HK1: variants seen among roughly 807,000 people sequenced by gnomAD.
HK1 encodes the protein hexokinase 1.
A neutral mutation model predicts 91.6 loss-of-function variants in HK1; 28 were observed. That is an observed-to-expected ratio of 0.31 (90% confidence interval 0.23 to 0.42). The LOEUF (loss-of-function observed/expected upper bound fraction) is 0.42. HK1 is among the 10% of genes least tolerant of loss of function. The probability of loss-of-function intolerance (pLI) is 1.00; values close to 1 mark genes in which losing one functional copy is unlikely to be tolerated. For synonymous variants in HK1, 430 were observed against 468.1 expected (o/e 0.92, Z 1.05); for missense variants, 770 against 1,219.8 (o/e 0.63, Z 5.49).
At chr10:69,359,723 T>G (rs1024011616) in intron 2 of HK1, among the ~76,000 whole-genome samples, 174 bp from the exon 3 acceptor site, 2 of 152,216 alleles carry the variant, frequency 1.3e-5, no homozygotes, top group Non-Finnish European at 2.9e-5. Flanking sequence ...TTTTGCCTAC[T>G]CTGCGTATAT....
chr10:69,393,551 C>G (rs986512520), intron 15 of HK1, among the ~76,000 whole-genome samples: 3 of 152,130 alleles, frequency 2.0e-5, no homozygotes, highest in Admixed American at 6.5e-5. Flanking sequence ...CCCGCCTCAG[C>G]CTCCCAAAGT....
intron 5 of HK1, chr10:69,300,936 C>A: frequency 1.2e-6 from 1 of 838,264 alleles, no homozygotes; most frequent in Non-Finnish European, 2.0e-6. Flanking sequence ...TTATAGGATA[C>A]AAGGTTAATA....
intron 2 of HK1, among the ~76,000 whole-genome samples, chr10:69,350,665 A>C (rs1022972738): frequency 7.9e-5 from 12 of 152,110 alleles, no homozygotes; most frequent in Middle Eastern, 3.2e-3. Flanking sequence ...CCATCTCAAA[A>C]AAACAAACAA....
intron 3 of HK1, among the ~76,000 whole-genome samples, chr10:69,290,576 A>G (rs1419013278): frequency 6.6e-6 from 1 of 152,074 alleles, no homozygotes; most frequent in Admixed American, 6.6e-5. Flanking sequence ...TTGGCTCACT[A>G]CAACCTCTGC....
intron 2 of HK1, among the ~76,000 whole-genome samples, chr10:69,350,976 C>A (rs1848827954): frequency 7.0e-6 from 1 of 142,752 alleles, no homozygotes; most frequent in Non-Finnish European, 1.5e-5. Flanking sequence ...CGAGACCATC[C>A]TGGCTAACAC....
At chr10:69,288,802 T>C in intron 3 of HK1, 1 of 1,602,030 alleles carries the variant, frequency 6.2e-7, no homozygotes, top group Non-Finnish European at 8.6e-7. Context: ...TTTCTTTCTT[T>C]TTTTGAGACG....
intron 1 of HK1, among the ~76,000 whole-genome samples, chr10:69,322,943 A>C (rs1289143752): frequency 6.7e-6 from 1 of 149,728 alleles, no homozygotes; most frequent in East Asian, 2.0e-4. Context: ...GAGAGGTGAT[A>C]GTTAGAAAAT....
chr10:69,295,155 G>T (rs75570514), intron 3 of HK1, among the ~76,000 whole-genome samples: 1 of 152,198 alleles, frequency 6.6e-6, no homozygotes, highest in Non-Finnish European at 1.5e-5. Flanking sequence ...TTGCCTCCTT[G>T]CTCATCAGGG....
At chr10:69,362,002 A>G (rs563343611) in intron 3 of HK1, among the ~76,000 whole-genome samples, 4 of 152,128 alleles carry the variant, frequency 2.6e-5, no homozygotes, top group Non-Finnish European at 5.9e-5. Context: ...TTGTTCGTAG[A>G]GATGGGGTTT....
Position 69,386,419 on chromosome 10 carries a change from G to C in HK1, c.1935+1G>C. On this transcript the variant is annotated splice_donor_variant, in intron 13 of 17. Transcript: ENST00000359426. LOFTEE classifies it high-confidence loss of function. ...AAGGGATGCGATAAAAAGGAGAGAGGTAACTATTAAAAGAATGTTTTTTAA... is the reference window on the plus strand; with the variant it reads ...AAGGGATGCGATAAAAAGGAGAGAGCTAACTATTAAAAGAATGTTTTTTAA... 1 of 1,602,618 alleles carries C rather than the reference G, an allele frequency of 6.2e-7. No individual in the cohort carries two copies.
At chr10:69,301,581 A>G (rs1236519376) in intron 5 of HK1, among the ~76,000 whole-genome samples, 4 of 150,780 alleles carry the variant, frequency 2.7e-5, no homozygotes, top group African/African-American at 7.3e-5. Context: ...CTCAAAAAAA[A>G]AAAAAAAAAA....
chr10:69,281,716 G>A (rs1199604371), intron 1 of HK1, among the ~76,000 whole-genome samples: 1 of 152,190 alleles, frequency 6.6e-6, no homozygotes, highest in Non-Finnish European at 1.5e-5. Context: ...AAAAAAGGAA[G>A]GGTTTGGGTG....
intron 2 of HK1, among the ~76,000 whole-genome samples, chr10:69,349,483 C>T (rs894730833): frequency 9.2e-5 from 14 of 152,182 alleles, no homozygotes; most frequent in African/African-American, 3.1e-4. Flanking sequence ...GGAGCCAGTC[C>T]AAGGACCGCA....
At chr10:69,300,600 A>T in intron 4 of HK1, 1 of 708,382 alleles carries the variant, frequency 1.4e-6, no homozygotes, top group Non-Finnish European at 2.6e-6. Flanking sequence ...GGGGCTGATC[A>T]TGCCACACTT....
upstream of HK1, among the ~76,000 whole-genome samples, chr10:69,315,194 G>C (rs960941229): frequency 2.0e-5 from 3 of 152,212 alleles, no homozygotes; most frequent in Admixed American, 2.0e-4. Flanking sequence ...ATGAGAAATT[G>C]CTCTGCAAAC....
intron 3 of HK1, among the ~76,000 whole-genome samples, chr10:69,293,204 C>T (rs571758154): frequency 6.6e-6 from 1 of 152,348 alleles, no homozygotes; most frequent in Admixed American, 6.5e-5. Flanking sequence ...GGGTAGCCTT[C>T]TTCTGTGCCC....
chr10:69,320,343 C>G (rs1846936037), intron 1 of HK1, among the ~76,000 whole-genome samples: 1 of 151,938 alleles, frequency 6.6e-6, no homozygotes, highest in African/African-American at 2.4e-5. Context: ...GGGTGGGGAC[C>G]GGGAGTGAGG....
upstream of HK1, among the ~76,000 whole-genome samples, chr10:69,314,311 G>T (rs1311290577): frequency 3.3e-5 from 5 of 152,196 alleles, no homozygotes; most frequent in Non-Finnish European, 7.3e-5. Context: ...AACTTGGACG[G>T]CATTCACATT....
At chr10:69,368,967 G>A (rs781672731) in intron 5 of HK1, among the ~76,000 whole-genome samples, 2 of 152,238 alleles carry the variant, frequency 1.3e-5, no homozygotes, top group African/African-American at 2.4e-5. Context: ...TGGACCTCCT[G>A]TGGAGGTTTG....
Sources: allele counts gnomAD v4.1 joint callset (sites outside exome capture counted in the v4.1 genomes callset), GRCh38; gene constraint gnomAD v4.1.1; transcripts MANE v1.5; gene names NCBI Gene and HGNC (gene_info 2026-07-23, HGNC 2026-07-21).